Variants in FCRL2 observed in about 807,000 individuals in gnomAD.
FCRL2 encodes the protein Fc receptor-like protein 2.
In FCRL2, 48 loss-of-function variants were observed where a neutral mutation model predicts 59.8. The ratio of observed to expected loss-of-function variants is 0.80; its 90% CI spans 0.64 to 1.02. FCRL2 has a LOEUF of 1.02. FCRL2 is among the 50% of genes least tolerant of loss of function. FCRL2 has a pLI of 0.00. For missense variants in FCRL2, 658 were observed against 597.3 expected, an observed-to-expected ratio of 1.10 and a Z score of -1.06; for synonymous variants, 251 against 229.5, an observed-to-expected ratio of 1.09 and a Z score of -0.85.
In FCRL2 at chr1:157,767,236, A is replaced by G. The variant is rs771497820; in HGVS notation, c.1157T>C (p.Ile386Thr). The change falls in exon 6 of 12, where the codon ATC (isoleucine) becomes ACC (threonine). Residue 386 changes from isoleucine to threonine, a missense_variant. Ile to Thr is a moderately conservative substitution (Grantham distance 89). Coordinates refer to ENST00000361516, the MANE Select transcript of FCRL2 (RefSeq NM_030764.4). ...TCCAGGTAACACCCACCCACCTGAG[A>G]TGGAGACTGGCACTGCCTCACTGCA... ...AQCSEAVPVSISGPDGYRRDL... is the reference protein window; with the variant it reads ...AQCSEAVPVSTSGPDGYRRDL... The G allele has an allele frequency of 3.1e-6, 5 of 1,611,636 alleles. No homozygotes were observed. In the South Asian group the frequency reaches 5.5e-5, roughly 18 times the overall value.
chr1:157,755,819 C>A (rs2101688307), intron 7 of FCRL2, among the ~76,000 whole-genome samples: 1 of 152,260 alleles, frequency 6.6e-6, no homozygotes, highest in East Asian at 1.9e-4. Flanking sequence ...ACAATGACAT[C>A]ACATAAGTCT....
chr1:157,753,757 T>C (rs1185342432), intron 7 of FCRL2, among the ~76,000 whole-genome samples: 3 of 152,144 alleles, frequency 2.0e-5, no homozygotes, highest in Non-Finnish European at 4.4e-5. Context: ...AATCACAAGG[T>C]TGGTGTTTCT....
chr1:157,772,841 T>C (rs1650127859), intron 2 of FCRL2, among the ~76,000 whole-genome samples: 2 of 152,246 alleles, frequency 1.3e-5, no homozygotes, highest in Admixed American at 6.5e-5. Context: ...ATGTGTTTAC[T>C]TAAGAGGTTC....
At chr1:157,758,514 A>G (rs1425319213) in intron 7 of FCRL2, among the ~76,000 whole-genome samples, 1 of 152,092 alleles carries the variant, frequency 6.6e-6, no homozygotes, top group Non-Finnish European at 1.5e-5. Context: ...ATGCTCATGG[A>G]TAGGAAGAAT....
At position 157,770,605 on chromosome 1, in the gene FCRL2, G is replaced by C. The variant is rs139205435; in HGVS notation, c.114C>G (p.Cys38Trp). The C allele has an allele frequency of 1.1e-5, 17 of 1,614,048 alleles. No homozygotes were observed. The highest frequency in any genetic ancestry group is 1.4e-5 in the Non-Finnish European group (17 of 1,179,960). Residue 38 changes from cysteine to tryptophan, a missense_variant, in exon 3 of 12, where the codon TGC (cysteine) becomes TGG (tryptophan). Transcript: ENST00000361516. The part of the protein sequence containing the change: ...VFEGDSIVLK[C>W]QGEQNWKIQK... ...GAATTTTCCAGTTCTGTTCTCCCTG[G>C]CATTTCAGAACGATGCTGTCTCCTT... is the stretch of plus-strand genomic sequence containing the variant.
In FCRL2 at chr1:157,767,504, C is replaced by T. The variant is rs1179254906; in HGVS notation, c.889G>A (p.Val297Met). 1 of 1,614,242 alleles carries T rather than the reference C, an allele frequency of 6.2e-7. No individual in the cohort carries two copies. The highest frequency in any genetic ancestry group is 8.5e-7 in the Non-Finnish European group (1 of 1,180,042). The change falls in exon 6 of 12, where the codon GTG becomes ATG. Residue 297 changes from valine (V) to methionine (M), a missense_variant. Transcript: ENST00000361516. Reference sequence around the variant, plus strand: ...CTGAGGGTGAGGACAGGGCGAGACACTGGAACTGACAGACACAGAGGGGCT... The same window carrying T: ...CTGAGGGTGAGGACAGGGCGAGACATTGGAACTGACAGACACAGAGGGGCT... ...KVVNIPVRIP[V>M]SRPVLTLRSP...
At chr1:157,757,442 A>C (rs1648681723) in intron 7 of FCRL2, among the ~76,000 whole-genome samples, 2 of 152,186 alleles carry the variant, frequency 1.3e-5, no homozygotes, top group African/African-American at 4.8e-5. Flanking sequence ...GGTATGTAAC[A>C]AACCTGCACG....
At chr1:157,775,379 T>C (rs1650326801) in intron 2 of FCRL2, among the ~76,000 whole-genome samples, 1 of 152,252 alleles carries the variant, frequency 6.6e-6, no homozygotes, top group African/African-American at 2.4e-5. Context: ...AAGTTTGTAG[T>C]TCTGACACAT....
At chr1:157,760,743 G>GAAAGAAAGAAAGAA (rs1557860563) in intron 7 of FCRL2, among the ~76,000 whole-genome samples, 7 of 146,144 alleles carry the variant, frequency 4.8e-5, no homozygotes, top group Admixed American at 6.8e-5. Flanking sequence ...AAGAAAGAAA[G>GAAAGAAAGAAAGAA]AAAGAAAGAA....
intron 4 of FCRL2, 140 bp downstream of exon 4, chr1:157,769,726 C>A: frequency 3.7e-6 from 4 of 1,091,394 alleles, no homozygotes; most frequent in South Asian, 1.6e-5. Context: ...CGCGCCCGGC[C>A]GCAACCTGGA....
chr1:157,762,396 A>T (rs1418088136), intron 7 of FCRL2, among the ~76,000 whole-genome samples: 1 of 152,216 alleles, frequency 6.6e-6, no homozygotes, highest in Non-Finnish European at 1.5e-5. Flanking sequence ...CAGCATAGCC[A>T]CTTCGGGTAT....
chr1:157,749,189 CT>C (rs77657576), intron 8 of FCRL2, among the ~76,000 whole-genome samples: 3 of 151,396 alleles, frequency 2.0e-5, no homozygotes, highest in South Asian at 2.1e-4. Context: ...GCTCCAGAAT[CT>C]TTTTTTTTCT....
rs1647733644 is a variant in FCRL2 at position 157,746,250 on chromosome 1, T to G, written c.*486A>C. 1 of 156,484 alleles carries G rather than the reference T, an allele frequency of 6.4e-6. No individual in the cohort carries two copies. Among genetic ancestry groups the G allele is most frequent in the African/African-American group, 2.4e-5 (1 of 41,490 alleles). The allele number at this position is 156,484 out of a possible 1,614,324, so 9.7% of individuals were successfully genotyped here. On this transcript the variant is annotated 3_prime_UTR_variant, in exon 12 of 12. Transcript: ENST00000361516. ...CCTAACTCATTCTATGAAGCCAGCATCAGCCTGATACAAACATTCTGGCAG... is the reference window on the plus strand; with the variant it reads ...CCTAACTCATTCTATGAAGCCAGCAGCAGCCTGATACAAACATTCTGGCAG...
At chr1:157,760,706 A>AGAAAT (rs1648988221) in intron 7 of FCRL2, among the ~76,000 whole-genome samples, 3 of 105,600 alleles carry the variant, frequency 2.8e-5, no homozygotes, top group Admixed American at 9.0e-5. Context: ...AAGGAAAGAA[A>AGAAAT]GAAAGAAAGA....
In FCRL2 at chr1:157,770,409, C is replaced by T; in HGVS notation, c.310G>A (p.Glu104Lys). ...CATCCCACAGAAGTCAGGGTTTTAC[C>T]TTGGACTTTTATCTTTACTATATTT... ...TSNIVKIKVQ[E>K]LFQRPVLTAS... Residue 104 changes from glutamate to lysine, a missense_variant and splice_region_variant, in exon 3 of 12, where the codon GAG (glutamate) becomes AAG (lysine). Physicochemically the swap from Glu to Lys is moderately conservative, Grantham distance 56. Coordinates refer to ENST00000361516, the MANE Select transcript of FCRL2 (RefSeq NM_030764.4). 6.2e-7 allele frequency: 1 copy of T among 1,612,564 alleles called. No homozygotes were observed. Among genetic ancestry groups the T allele is most frequent in the Non-Finnish European group, 8.5e-7 (1 of 1,179,378 alleles).
At chr1:157,765,958 G>A (rs1446448372) in intron 7 of FCRL2, among the ~76,000 whole-genome samples, 1 of 152,152 alleles carries the variant, frequency 6.6e-6, no homozygotes, top group Non-Finnish European at 1.5e-5. Flanking sequence ...ATGCTGTGAG[G>A]AAATCCAGGC....
chr1:157,766,393 C>T (rs530811122), intron 7 of FCRL2, among the ~76,000 whole-genome samples: 2 of 152,180 alleles, frequency 1.3e-5, no homozygotes, highest in South Asian at 4.1e-4. Context: ...ATGGTGTGAA[C>T]CCAGGAGGCG....
At chr1:157,774,726 C>T (rs1650281413) in intron 2 of FCRL2, among the ~76,000 whole-genome samples, 1 of 152,160 alleles carries the variant, frequency 6.6e-6, no homozygotes, top group Non-Finnish European at 1.5e-5. Flanking sequence ...TTATGTGGGA[C>T]AGAATGAATG....
At chr1:157,763,092 T>C (rs570453793) in intron 7 of FCRL2, among the ~76,000 whole-genome samples, 1 of 152,166 alleles carries the variant, frequency 6.6e-6, no homozygotes, top group African/African-American at 2.4e-5. Flanking sequence ...CCAAGATTGT[T>C]AGACGTAGAA....
Sources: gnomAD v4.1 joint callset for allele counts (sites outside exome capture counted in the v4.1 genomes callset) on GRCh38, gnomAD v4.1.1 for gene constraint, MANE v1.5 for transcripts, NCBI Gene and HGNC (gene_info 2026-07-23, HGNC 2026-07-21) for gene names.